The following PCDHGB6 variants were observed in gnomAD, a reference collection of about 807,000 sequenced individuals.
PCDHGB6 encodes the protein protocadherin gamma-B6.
A neutral mutation model predicts 59.1 loss-of-function variants in PCDHGB6; 51 were observed. The observed-to-expected ratio is 0.86, with a 90% confidence interval of 0.69 to 1.09. The LOEUF (loss-of-function observed/expected upper bound fraction) is 1.09. PCDHGB6 is among the 50% of genes least tolerant of loss of function. The pLI is 0.00. For synonymous variants in PCDHGB6, 466 were observed against 495.1 expected, an observed-to-expected ratio of 0.94 and a Z score of 0.78; for missense variants, 1,148 against 1,205.1, an observed-to-expected ratio of 0.95 and a Z score of 0.70.
chr5:141,426,960 A>G, intron 1 of PCDHGB6: 1 of 456,776 alleles, frequency 2.2e-6, no homozygotes, highest in South Asian at 1.5e-5. Context: ...CACTGCTGCA[A>G]TTCAAATTGA....
rs2154594699 is a variant in PCDHGB6 at position 141,512,507 on chromosome 5, C to T, written c.*1334C>T. 6.5e-6 allele frequency: 1 copy of T among 153,048 alleles called. No individual in the cohort carries two copies. Among genetic ancestry groups the T allele is most frequent in the South Asian group, 2.1e-4 (1 of 4,836 alleles). 9.5% of individuals were successfully genotyped at this position (153,048 alleles called of 1,614,324 possible). ...CACTGCCCAGGTCCCCAGTGCGCCCCCTAGTGGCCATAGCCTGGTTAAAGT... is the reference window on the plus strand; with the variant it reads ...CACTGCCCAGGTCCCCAGTGCGCCCTCTAGTGGCCATAGCCTGGTTAAAGT... On this transcript the variant is annotated 3_prime_UTR_variant, in exon 4 of 4. Transcript: ENST00000520790.
chr5:141,497,374 T>C (rs2099776044), intron 2 of PCDHGB6, among the ~76,000 whole-genome samples: 1 of 152,112 alleles, frequency 6.6e-6, no homozygotes, highest in Non-Finnish European at 1.5e-5. Flanking sequence ...ATGTGTCCTC[T>C]GGGGTGAGCA....
intron 1 of PCDHGB6, chr5:141,423,314 T>C: frequency 6.2e-7 from 1 of 1,614,178 alleles, no homozygotes; most frequent in Non-Finnish European, 8.5e-7. Context: ...TACTTGGTGG[T>C]GGCGGTGGCC....
chr5:141,408,947 ATTAGTC>A lies in PCDHGB6; in HGVS notation c.751_756del (p.Leu251_Ser252del). ...GGTTTTCAGCAGAGACGAATATAGA[ATTAGTC>A]TTAGTGAAAATCTGCCCCCTGGGTC... On this transcript the variant is annotated inframe_deletion, in exon 1 of 4. Coordinates refer to ENST00000520790, the MANE Select transcript of PCDHGB6 (RefSeq NM_018926.3). 6 of 1,613,666 alleles carry A rather than the reference ATTAGTC, an allele frequency of 3.7e-6. No homozygotes were observed. Among genetic ancestry groups the A allele is most frequent in the Non-Finnish European group, 5.1e-6 (6 of 1,179,778 alleles).
In PCDHGB6 at chr5:141,490,134, C is replaced by G; in HGVS notation, c.2419-4673C>G. On this transcript the variant is annotated intron_variant, in intron 1 of 3. Transcript: ENST00000520790. This position sits in a 1 kb window ranked among gnomAD's most constrained non-coding sequence, Gnocchi z 5.4. ...GGAACCTCTTTGGCCTAGACCCTAG[C>G]AGTGGGGCAATCCATGTGTTGGGTC... The G allele has an allele frequency of 1.2e-6, 2 of 1,614,232 alleles. No homozygotes were observed. The highest frequency in any genetic ancestry group is 1.7e-6 in the Non-Finnish European group (2 of 1,180,030).
intron 1 of PCDHGB6, among the ~76,000 whole-genome samples, chr5:141,470,528 G>A (rs1446688992): frequency 6.6e-6 from 1 of 152,140 alleles, no homozygotes; most frequent in East Asian, 1.9e-4. Context: ...ATTAAAATAT[G>A]TATCAGGTAA....
intron 1 of PCDHGB6, among the ~76,000 whole-genome samples, chr5:141,445,417 A>C (rs1483224509): frequency 6.6e-6 from 1 of 152,208 alleles, no homozygotes; most frequent in Non-Finnish European, 1.5e-5. Context: ...ACTGTCTGCT[A>C]TATGCAAGGC....
chr5:141,433,358 C>CGTAT, intron 1 of PCDHGB6: 1 of 503,368 alleles, frequency 2.0e-6, no homozygotes, highest in Non-Finnish European at 3.5e-6. Context: ...CTACTGTCTG[C>CGTAT]CTATCTATCT....
Position 141,477,311 on chromosome 5 carries a change from C to G in PCDHGB6, c.2419-17496C>G. 6.2e-7 allele frequency: 1 copy of G among 1,614,186 alleles called. No individual in the cohort carries two copies. The highest frequency in any genetic ancestry group is 8.5e-7 in the Non-Finnish European group (1 of 1,180,032). ...AGTTCCACCGGGTCTCCCTTTCAGC[C>G]TTACTTCTTCCCTCAAGAATTACTT... On this transcript the variant is annotated intron_variant, in intron 1 of 3. Coordinates refer to ENST00000520790, the MANE Select transcript of PCDHGB6 (RefSeq NM_018926.3). The surrounding 1 kb of genome is among the most constrained non-coding windows in gnomAD (Gnocchi z 4.9).
rs752341952 is a variant in PCDHGB6 at position 141,431,380 on chromosome 5, T to C, written c.2418+20760T>C. 10 of 1,613,902 alleles carry C rather than the reference T, an allele frequency of 6.2e-6. No homozygotes were observed. The highest frequency in any genetic ancestry group is 8.5e-6 in the Non-Finnish European group (10 of 1,180,024). ...CCCTGGACCGCGAAGAAAAGGCTGCTCACCACCTGGTCCTTACGGCCTCCG... is the reference window on the plus strand; with the variant it reads ...CCCTGGACCGCGAAGAAAAGGCTGCCCACCACCTGGTCCTTACGGCCTCCG... On this transcript the variant is annotated intron_variant, in intron 1 of 3. Transcript: ENST00000520790. The surrounding 1 kb of genome is among the most constrained non-coding windows in gnomAD (Gnocchi z 4.8).
At chr5:141,413,054 A>T in intron 1 of PCDHGB6, 1 of 981,732 alleles carries the variant, frequency 1.0e-6, no homozygotes, top group Non-Finnish European at 1.5e-6. Context: ...AGGGAAGCTC[A>T]CTCCAGAATT....
chr5:141,472,980 CAA>C (rs60579131), intron 1 of PCDHGB6, among the ~76,000 whole-genome samples: 879 of 86,072 alleles, frequency 0.01, 5 homozygotes, highest in African/African-American at 0.015. Context: ...GAGTGAAACT[CAA>C]AAAAAAAAAA....
Position 141,410,202 on chromosome 5 carries a change from A to C in PCDHGB6, c.2000A>C (p.Asn667Thr), listed in dbSNP as rs766392835. ...TATLHLVFAD[N>T]LQEILPDLSD... ...ACGCTTCATCTGGTCTTCGCAGACA[A>C]CTTGCAAGAGATACTGCCAGACCTC... The change falls in exon 1 of 4, where the codon AAC becomes ACC. Residue 667 changes from asparagine to threonine, a missense_variant. Physicochemically the swap from Asn to Thr is moderately conservative, Grantham distance 65. Coordinates refer to ENST00000520790, the MANE Select transcript of PCDHGB6 (RefSeq NM_018926.3). The C allele has an allele frequency of 1.3e-5, 21 of 1,614,018 alleles. No homozygotes were observed. The highest frequency in any genetic ancestry group is 1.6e-5 in the Non-Finnish European group (19 of 1,179,876).
chr5:141,472,557 A>G (rs2099288029), intron 1 of PCDHGB6, among the ~76,000 whole-genome samples: 3 of 152,044 alleles, frequency 2.0e-5, no homozygotes, highest in Admixed American at 1.3e-4. Flanking sequence ...AAAAAATTAT[A>G]TTATAAATGC....
At chr5:141,500,360 T>C (rs1224064939) in intron 2 of PCDHGB6, among the ~76,000 whole-genome samples, 1 of 151,664 alleles carries the variant, frequency 6.6e-6, no homozygotes, top group Non-Finnish European at 1.5e-5. Context: ...AGGCGCCCAC[T>C]ACCACGCCCG....
chr5:141,441,905 C>G, intron 1 of PCDHGB6: 1 of 348,464 alleles, frequency 2.9e-6, no homozygotes, highest in Non-Finnish European at 5.5e-6. Flanking sequence ...GCTGTAGACG[C>G]AGATGTGAGA....
At chr5:141,455,860 ATTATTTATTTATTTATTTAT>A (rs145569377) in intron 1 of PCDHGB6, among the ~76,000 whole-genome samples, 117 of 139,848 alleles carry the variant, frequency 8.4e-4, no homozygotes, top group Non-Finnish European at 9.4e-4. Flanking sequence ...AATTTCTTTT[ATTATTTATTTATTTATTTAT>A]TTATTTATTT....
chr5:141,430,578 C>A (rs1561846151), intron 1 of PCDHGB6: 8 of 470,816 alleles, frequency 1.7e-5, no homozygotes, highest in East Asian at 1.0e-4. Flanking sequence ...AGCGGAGATC[C>A]TGCTCGCCTT....
chr5:141,473,349 T>G (rs2099319716), intron 1 of PCDHGB6, among the ~76,000 whole-genome samples: 1 of 152,232 alleles, frequency 6.6e-6, no homozygotes, highest in Non-Finnish European at 1.5e-5. Context: ...ACAGTGAGGA[T>G]GCAAGTGGCC....
Sources: allele counts gnomAD v4.1 joint callset (sites outside exome capture counted in the v4.1 genomes callset), GRCh38; gene constraint gnomAD v4.1.1; non-coding constraint Gnocchi (gnomAD v3.1); transcripts MANE v1.5; gene names NCBI Gene and HGNC (gene_info 2026-07-23, HGNC 2026-07-21).